DCTN1: variants seen among roughly 807,000 people sequenced by gnomAD.
DCTN1 encodes the protein 150 kDa dynein-associated polypeptide.
Under a neutral mutation model 161.2 loss-of-function variants are expected in DCTN1, and 61 were observed. The observed-to-expected ratio is 0.38, with a 90% CI of 0.31 to 0.47. DCTN1 has a LOEUF of 0.47. Among genes scored for constraint, DCTN1 ranks in the 20% least tolerant of loss-of-function variants. The probability of loss-of-function intolerance (pLI) is 0.99; values close to 1 mark genes in which losing one functional copy is unlikely to be tolerated. For missense variants in DCTN1, 1,404 were observed against 1,623.7 expected (o/e 0.86, Z 2.33); for synonymous variants, 653 against 632.4 (o/e 1.03, Z -0.49).
At chr2:74,380,589 T>C, upstream of DCTN1, 1 of 471,462 alleles carries the variant, frequency 2.1e-6, no homozygotes, top group South Asian at 1.5e-5. Context: ...GCCTAGAGCC[T>C]CCACACAGCC....
rs765622589 is a variant in DCTN1, at chr2:74,363,009, T to A, written c.3514A>T (p.Thr1172Ser). ...LSTHTHVVDI[T>S]RTSPAAKSPS... is the part of the protein sequence containing the mutation. ...AGGTACATACCAGGGCTGGTGCGAG[T>A]GATGTCTACTACGTGCGTGTGTGTG... Residue 1172 changes from threonine (T) to serine (S), a missense_variant, in exon 29 of 32, where the codon ACT (threonine) becomes TCT (serine). This residue lies in a region of DCTN1 where 311 missense variants were observed against 298.9 expected (regional missense o/e 1.04). Transcript: ENST00000628224. 1 of 1,613,050 alleles carries A rather than the reference T, an allele frequency of 6.2e-7. No homozygotes were observed. Among genetic ancestry groups the A allele is most frequent in the Non-Finnish European group, 8.5e-7 (1 of 1,179,602 alleles).
Position 74,380,030 on chromosome 2 carries a change from T to G in DCTN1, c.8A>C (p.Gln3Pro), listed in dbSNP as rs1675439567. 1 of 1,614,054 alleles carries G rather than the reference T, an allele frequency of 6.2e-7. No homozygotes were observed. Among genetic ancestry groups the G allele is most frequent in the African/African-American group, 1.3e-5 (1 of 74,912 alleles). ...CCGGCTGTACACGTGCCTCTTGCTCTGTGCCATGTTGCTCACCCGGCCTCT... is the reference window on the plus strand; with the variant it reads ...CCGGCTGTACACGTGCCTCTTGCTCGGTGCCATGTTGCTCACCCGGCCTCT... MA[Q>P]SKRHVYSRTP... is the part of the protein sequence containing the mutation. The change falls in exon 1 of 32, where the codon CAG becomes CCG. Residue 3 changes from glutamine (Q) to proline (P), a missense_variant. This residue lies in a region of DCTN1 where 53 missense variants were observed against 54.4 expected (regional missense o/e 0.97). Transcript: ENST00000628224.
In DCTN1 at chr2:74,365,261, C is replaced by T; in HGVS notation, c.3030-20G>A. ...AACTCTCTGTGAAAGAGAATCTGGG[C>T]TTTGGCAGTGTCCCTTCTCTAAAGC... On this transcript the variant is annotated intron_variant, in intron 25 of 31. Coordinates refer to ENST00000628224, the MANE Select transcript of DCTN1 (RefSeq NM_004082.5). The T allele has an allele frequency of 6.2e-7, 1 of 1,614,006 alleles. No homozygotes were observed. Among genetic ancestry groups the T allele is most frequent in the Non-Finnish European group, 8.5e-7 (1 of 1,179,936 alleles).
Position 74,368,671 on chromosome 2 carries a change from C to T in DCTN1, c.1854+57G>A, listed in dbSNP as rs988121813. 5 of 1,613,188 alleles carry T rather than the reference C, an allele frequency of 3.1e-6. No homozygotes were observed. In the African/African-American group the frequency reaches 6.7e-5, roughly 22 times the overall value. On this transcript the variant is annotated intron_variant, in intron 16 of 31. Transcript: ENST00000628224. ...TTGTCTTCACTCAGCATCTTCAATGCCTGGTTCATGGCAAGTTCACTAGAT... is the reference window on the plus strand; with the variant it reads ...TTGTCTTCACTCAGCATCTTCAATGTCTGGTTCATGGCAAGTTCACTAGAT...
chr2:74,384,474 A>G (rs969422657), upstream of DCTN1, among the ~76,000 whole-genome samples: 5 of 152,342 alleles, frequency 3.3e-5, no homozygotes, highest in South Asian at 2.1e-4. Flanking sequence ...TTCCTCTCCA[A>G]TGATATTAAA....
Position 74,362,646 on chromosome 2 carries a change from T to C in DCTN1, c.3609+4A>G, listed in dbSNP as rs1001412011. On this transcript the variant is annotated splice_donor_region_variant and intron_variant, in intron 30 of 31. Coordinates refer to ENST00000628224, the MANE Select transcript of DCTN1 (RefSeq NM_004082.5). The stretch of plus-strand genomic sequence containing the variant: ...GTGAGCTCTGCCTGGCAAACTGAGC[T>C]GACCTTGAGCTTCTCGACGGTGTCA... 1.9e-6 allele frequency: 3 copies of C among 1,613,632 alleles called. No individual in the cohort carries two copies. The highest frequency in any genetic ancestry group is 2.5e-6 in the Non-Finnish European group (3 of 1,179,844).
In DCTN1 at chr2:74,369,419, G is replaced by A. The variant is rs35535161; in HGVS notation, c.1465C>T (p.Leu489=). The A allele has an allele frequency of 1.9e-6, 3 of 1,614,192 alleles. No individual in the cohort carries two copies. The South Asian group carries it at 3.3e-5, about 18-fold the overall frequency. ...RETELELREQ[L]DMAGARVREA... ...CGAACCCGCGCGCCTGCCATGTCCA[G>A]CTGCTCCCGCAGCTCCAGTTCTGTC... Residue 489 remains leucine, a synonymous_variant, in exon 14 of 32, where the codon CTG becomes TTG. Coordinates refer to ENST00000628224, the MANE Select transcript of DCTN1 (RefSeq NM_004082.5). This position sits in a 1 kb window ranked among gnomAD's most constrained non-coding sequence, Gnocchi z 4.9.
At position 74,362,032 on chromosome 2, in the gene DCTN1, C is replaced by T. The variant is rs778478165; in HGVS notation, c.3699+20G>A. ...GAGCTCTCCACACTGTCCCATCCTC[C>T]ACCCCATGCTCCCCCTCACCCTGAG... is the stretch of plus-strand genomic sequence containing the variant. On this transcript the variant is annotated intron_variant, in intron 31 of 31. Transcript: ENST00000628224. 5 of 1,611,610 alleles carry T rather than the reference C, an allele frequency of 3.1e-6. No individual in the cohort carries two copies. The highest frequency in any genetic ancestry group is 2.2e-5 in the East Asian group (1 of 44,836).
At chr2:74,391,726 C>T (rs1676010719) in intron 1 of DCTN1, 1 of 447,754 alleles carries the variant, frequency 2.2e-6, no homozygotes, top group South Asian at 1.6e-5. Context: ...CCCAGCCCAC[C>T]GCCGGCAACC....
rs960727301 is a variant in DCTN1 at position 74,371,623 on chromosome 2, C to A, written c.559G>T (p.Ala187Ser). 46 of 1,590,382 alleles carry A rather than the reference C, an allele frequency of 2.9e-5. No homozygotes were observed. Among genetic ancestry groups the A allele is most frequent in the Non-Finnish European group, 3.6e-5 (42 of 1,169,370 alleles). The change falls in exon 8 of 32, where the codon GCT (alanine) becomes TCT (serine). Residue 187 changes from alanine (A) to serine (S), a missense_variant. Ala to Ser is a moderately conservative substitution (Grantham distance 99). Transcript: ENST00000628224. ...ELSSSEPSTP[A>S]QTPLAAPIIP... ...ATGGGTGCTGCCAGCGGAGTCTGAG[C>A]CGGGGTGCTGGGCTCACTGCTGCTC...
chr2:74,370,613 C>G lies in DCTN1; in HGVS notation c.1048+8G>C. The stretch of plus-strand genomic sequence containing the variant: ...CCGTTTGGCCCCCAGCAGCTGTGGG[C>G]CCCTTACCCTTCTCTTCAATCTCAG... On this transcript the variant is annotated splice_region_variant and intron_variant, in intron 10 of 31. Transcript: ENST00000628224. This position sits in a 1 kb window ranked among gnomAD's most constrained non-coding sequence, Gnocchi z 4.4. 6.2e-7 allele frequency: 1 copy of G among 1,614,162 alleles called. No homozygotes were observed. Among genetic ancestry groups the G allele is most frequent in the East Asian group, 2.2e-5 (1 of 44,882 alleles).
At chr2:74,371,861 G>A (rs1674884273) in intron 7 of DCTN1, 133 bp from the exon 8 acceptor site, 1 of 716,878 alleles carries the variant, frequency 1.4e-6, no homozygotes, top group South Asian at 1.6e-5. Flanking sequence ...GAGTATCAAA[G>A]CACAGTGAGA....
At position 74,374,308 on chromosome 2, in the gene DCTN1, A is replaced by T; in HGVS notation, c.432+15T>A. On this transcript the variant is annotated intron_variant, in intron 6 of 31. Coordinates refer to ENST00000628224, the MANE Select transcript of DCTN1 (RefSeq NM_004082.5). The stretch of plus-strand genomic sequence containing the variant: ...CCTGGCAACCCAGCAGCAGGACGAG[A>T]GCAAGCAAGAGTACCTTTCGGGCTG... The T allele has an allele frequency of 6.2e-7, 1 of 1,611,700 alleles. No individual in the cohort carries two copies. The highest frequency in any genetic ancestry group is 8.5e-7 in the Non-Finnish European group (1 of 1,178,698).
At chr2:74,374,605 TCCGGCAGGCA>T (rs1305563538) in intron 5 of DCTN1, 4 of 1,267,382 alleles carry the variant, frequency 3.2e-6, no homozygotes, top group Non-Finnish European at 4.0e-6. Context: ...ATCGCCAGGC[TCCGGCAGGCA>T]CCGGAGCGGT....
At position 74,386,308 on chromosome 2, in the gene DCTN1, C is replaced by G. The variant is rs142813702; in HGVS notation, c.-19+5486G>C. ...ATTTCTGCAGACGTAAGAGATTCATCAAATACAAGCGCTACTAATCCTCTA... is the reference window on the plus strand; with the variant it reads ...ATTTCTGCAGACGTAAGAGATTCATGAAATACAAGCGCTACTAATCCTCTA... On this transcript the variant is annotated intron_variant, in intron 1 of 27. Coordinates refer to the DCTN1 transcript ENST00000409240. Among the ~76,000 whole-genome samples the G allele has an allele frequency of 1.9e-3, 288 of 152,342 alleles. 1 individual carries two copies. Among genetic ancestry groups the G allele is most frequent in the Middle Eastern group, 6.8e-3 (2 of 294 alleles).
At position 74,370,159 on chromosome 2, in the gene DCTN1, C is replaced by G; in HGVS notation, c.1287+27G>C. 1 of 1,613,738 alleles carries G rather than the reference C, an allele frequency of 6.2e-7. No homozygotes were observed. Among genetic ancestry groups the G allele is most frequent in the Non-Finnish European group, 8.5e-7 (1 of 1,180,016 alleles). ...TGATAGGAGAGTCAGGTGGGGGATT[C>G]TGGGTGAGGGGCTGGGCTCCCCAGA... On this transcript the variant is annotated intron_variant, in intron 12 of 31. Transcript: ENST00000628224. This position sits in a 1 kb window ranked among gnomAD's most constrained non-coding sequence, Gnocchi z 4.4.
Position 74,370,140 on chromosome 2 carries a change from G to C in DCTN1, c.1287+46C>G, listed in dbSNP as rs1359182491. On this transcript the variant is annotated intron_variant, in intron 12 of 31. Coordinates refer to ENST00000628224, the MANE Select transcript of DCTN1 (RefSeq NM_004082.5). The surrounding 1 kb of genome is among the most constrained non-coding windows in gnomAD (Gnocchi z 4.4). ...AGAAAGAGGAGGCATCAACTGATAGGAGAGTCAGGTGGGGGATTCTGGGTG... is the reference window on the plus strand; with the variant it reads ...AGAAAGAGGAGGCATCAACTGATAGCAGAGTCAGGTGGGGGATTCTGGGTG... 6.2e-7 allele frequency: 1 copy of C among 1,613,896 alleles called. No homozygotes were observed. Among genetic ancestry groups the C allele is most frequent in the Non-Finnish European group, 8.5e-7 (1 of 1,180,024 alleles).
At chr2:74,391,701 A>T in intron 1 of DCTN1, 1 of 419,394 alleles carries the variant, frequency 2.4e-6, no homozygotes, top group South Asian at 1.7e-5. Context: ...CCCGCCCCGC[A>T]CACCGGGCTC....
rs756392974 is a variant in DCTN1 at position 74,365,122 on chromosome 2, C to G, written c.3149G>C (p.Gly1050Ala). 3.7e-6 allele frequency: 6 copies of G among 1,614,048 alleles called. 1 individual carries two copies. The South Asian group carries it at 6.6e-5, about 18-fold the overall frequency. Residue 1050 changes from glycine to alanine, a missense_variant, in exon 26 of 32, where the codon GGC (glycine) becomes GCC (alanine). By Grantham distance (60) the Gly-to-Ala change is moderately conservative. Transcript: ENST00000628224. Reference sequence around the variant, plus strand: ...AGTAGCAATGCCTGAAGGAGGAGGGCCCCGGAGTCCCTCAATCGTGCGTTT... The same window carrying G: ...AGTAGCAATGCCTGAAGGAGGAGGGGCCCGGAGTCCCTCAATCGTGCGTTT... The part of the protein sequence containing the change: ...QSKRTIEGLR[G>A]PPPSGIATLV...
Sources: allele counts gnomAD v4.1 joint callset (sites outside exome capture counted in the v4.1 genomes callset), GRCh38; gene constraint gnomAD v4.1.1; regional missense constraint gnomAD v4.1.1; non-coding constraint Gnocchi (gnomAD v3.1); transcripts MANE v1.5; gene names NCBI Gene and HGNC (gene_info 2026-07-23, HGNC 2026-07-21).